Variants in HAUS7 observed in about 807,000 individuals in gnomAD.
HAUS7 encodes the protein HAUS augmin like complex subunit 7.
In HAUS7, 3 loss-of-function variants were observed where a neutral mutation model predicts 28.4. The observed-to-expected ratio is 0.11, with a 90% confidence interval of 0.05 to 0.27. The LOEUF is 0.27. Ranked by LOEUF, HAUS7 falls within the 10% of genes least tolerant of loss-of-function variation. The pLI is 1.00. For synonymous variants in HAUS7, 165 were observed against 132.1 expected (o/e 1.25, Z -1.71); for missense variants, 284 against 297.3 (o/e 0.96, Z 0.33).
intron 1 of HAUS7, chrX:153,479,506 C>T (rs1421637819): frequency 1.4e-5 from 6 of 413,839 alleles, no homozygotes; most frequent in African/African-American, 5.4e-5. Flanking sequence ...CCCTGGAGGG[C>T]GAGGGGTGTG....
intron 1 of HAUS7, among the ~76,000 whole-genome samples, chrX:153,487,768 G>A (rs1484630694): frequency 2.7e-5 from 3 of 112,510 alleles, no homozygotes; most frequent in African/African-American, 9.7e-5. Context: ...GGCCCTCCAT[G>A]TTGACCTCCC....
At chrX:153,456,221 G>T in intron 7 of HAUS7, 44 bp downstream of exon 7, 1 of 1,037,834 alleles carries the variant, frequency 9.6e-7, no homozygotes, top group Non-Finnish European at 1.4e-6. Context: ...ACAAAGCAGG[G>T]CCTTGCCTCC....
upstream of HAUS7, among the ~76,000 whole-genome samples, chrX:153,474,090 T>G (rs1163773472): frequency 8.9e-6 from 1 of 112,645 alleles, no homozygotes; most frequent in Non-Finnish European, 1.9e-5. Context: ...CCCTGCGGCC[T>G]GTGGCCCTAA....
At chrX:153,470,339 C>T (rs2089504974) in intron 1 of HAUS7, 111 bp downstream of exon 1, 2 of 766,971 alleles carry the variant, frequency 2.6e-6, no homozygotes, top group African/African-American at 4.2e-5. Flanking sequence ...CAGCCGGAAC[C>T]GGCGACGGTG....
In HAUS7 at chrX:153,486,571, G is replaced by A. The variant is rs1264437082; in HGVS notation, c.-589+8803C>T. 1.5e-5 allele frequency: 13 copies of A among 892,764 alleles called. No individual in the cohort carries two copies. In the Admixed American group the frequency reaches 3.7e-4, roughly 25 times the overall value. The allele number at this position is 892,764 out of a possible 1,213,427, so 73.6% of individuals were successfully genotyped here. ...GGGTCTCTGTCTCTTCTTGAATGAT[G>A]CCTACCCCGTCTTTCCGGGGTCTTC... On this transcript the variant is annotated intron_variant, in intron 1 of 5. Coordinates refer to the HAUS7 transcript ENST00000370210.
chrX:153,483,254 CCAA>C (rs2089612857), intron 1 of HAUS7: 1 of 731,099 alleles, frequency 1.4e-6, no homozygotes, highest in African/African-American at 2.3e-5. Context: ...GACCAGGTGG[CCAA>C]CAACTGGCAG....
intron 4 of HAUS7, among the ~76,000 whole-genome samples, chrX:153,460,560 TAA>T (rs782215714): frequency 3.1e-5 from 3 of 97,924 alleles, no homozygotes; most frequent in Non-Finnish European, 2.1e-5. Flanking sequence ...TTTTTTAAAT[TAA>T]AAAAAAAAAA....
chrX:153,479,421 G>C (rs781962373), intron 1 of HAUS7: 1 of 741,928 alleles, frequency 1.3e-6, no homozygotes, highest in African/African-American at 2.3e-5. Context: ...GAAGACTGCC[G>C]CAGGCTGTCC....
intron 4 of HAUS7, among the ~76,000 whole-genome samples, chrX:153,460,089 T>G (rs782183122): frequency 8.9e-6 from 1 of 112,616 alleles, no homozygotes; most frequent in Non-Finnish European, 1.9e-5. Flanking sequence ...TTTGATTGTT[T>G]ATCCATAACA....
chrX:153,487,062 T>A (rs1488890722), intron 1 of HAUS7: 2 of 254,741 alleles, frequency 7.9e-6, no homozygotes, highest in Admixed American at 1.1e-4. Flanking sequence ...CCTCCCTCCC[T>A]CCAGGAGCTA....
At chrX:153,481,367 C>T (rs1267182323) in intron 1 of HAUS7, 2 of 753,564 alleles carry the variant, frequency 2.7e-6, no homozygotes, top group Non-Finnish European at 3.1e-6. Flanking sequence ...CCAGGGACCT[C>T]CCATCAACCT....
At chrX:153,457,090 A>C (rs1428085367) in intron 5 of HAUS7, 47 bp downstream of exon 5, 50 of 843,924 alleles carry the variant, frequency 5.9e-5, no homozygotes, top group Non-Finnish European at 8.9e-5. Context: ...AACTAGGACC[A>C]AGAGAAGCCC....
At chrX:153,450,350 CAGA>C (rs1390206758) in intron 9 of HAUS7, among the ~76,000 whole-genome samples, 6 of 112,232 alleles carry the variant, frequency 5.3e-5, no homozygotes, top group African/African-American at 1.6e-4. Context: ...ACTTTCTTCA[CAGA>C]AGAACAGGCT....
intron 1 of HAUS7, among the ~76,000 whole-genome samples, chrX:153,476,759 C>T (rs1429023105): frequency 8.9e-6 from 1 of 111,862 alleles, no homozygotes; most frequent in African/African-American, 3.3e-5. Flanking sequence ...TTCCAGCAAC[C>T]CTCGGGCTGC....
chrX:153,480,962 G>C (rs2089596009), intron 1 of HAUS7: 1 of 755,242 alleles, frequency 1.3e-6, no homozygotes, highest in African/African-American at 2.3e-5. Context: ...CAGGAGGCCG[G>C]GAAGACAAGG....
chrX:153,460,308 G>A (rs1211906112), intron 4 of HAUS7, among the ~76,000 whole-genome samples: 8 of 111,860 alleles, frequency 7.2e-5, no homozygotes, highest in African/African-American at 6.5e-5. Flanking sequence ...TGATGAAAAT[G>A]TTGTGGAACT....
At chrX:153,480,377 C>G (rs1460092087) in intron 1 of HAUS7, among the ~76,000 whole-genome samples, 3 of 109,917 alleles carry the variant, frequency 2.7e-5, no homozygotes, top group Admixed American at 9.5e-5. Context: ...GAGAGGTACT[C>G]TGGGTTACTG....
chrX:153,479,385 C>T (rs2089583760), intron 1 of HAUS7: 4 of 753,042 alleles, frequency 5.3e-6, no homozygotes, highest in Admixed American at 8.6e-5. Flanking sequence ...GGGCCCCCGA[C>T]GGTGAGTAGC....
At chrX:153,481,504 G>T in intron 1 of HAUS7, 1 of 756,378 alleles carries the variant, frequency 1.3e-6, no homozygotes, top group Non-Finnish European at 1.6e-6. Context: ...GCACAGGCAC[G>T]CAGACCTGGG....
Sources: gnomAD v4.1 joint callset for allele counts (sites outside exome capture counted in the v4.1 genomes callset) on GRCh38, gnomAD v4.1.1 for gene constraint, MANE v1.5 for transcripts, NCBI Gene and HGNC (gene_info 2026-07-23, HGNC 2026-07-21) for gene names.